The following OXR1 variants were observed in gnomAD, a reference collection of about 807,000 sequenced individuals.
OXR1 encodes the protein oxidation resistance 1, also known as oxidation resistance protein 1.
Under a neutral mutation model 104.6 loss-of-function variants are expected in OXR1, and 41 were observed. The ratio of observed to expected loss-of-function variants is 0.39; its 90% CI spans 0.31 to 0.51. OXR1 has a LOEUF of 0.51. Among genes scored for constraint, OXR1 ranks in the 20% least tolerant of loss-of-function variants. The pLI is 0.77. For missense variants in OXR1, 955 were observed against 1,031.9 expected (o/e 0.93, Z 1.02); for synonymous variants, 348 against 348.4 (o/e 1.00, Z 0.01).
intron 2 of OXR1, among the ~76,000 whole-genome samples, chr8:106,414,714 T>A: frequency 6.6e-6 from 1 of 152,260 alleles, no homozygotes; most frequent in Non-Finnish European, 1.5e-5. Flanking sequence ...GTGTGTTTGA[T>A]AAACACGAAG....
chr8:106,698,124 A>T (rs1830245853), intron 7 of OXR1: 1 of 667,318 alleles, frequency 1.5e-6, no homozygotes, highest in South Asian at 1.8e-5. Context: ...CTTATTTTCT[A>T]CCCAGATATC....
chr8:106,723,146 A>C (rs1832970223), intron 11 of OXR1, among the ~76,000 whole-genome samples: 1 of 152,010 alleles, frequency 6.6e-6, no homozygotes, highest in Non-Finnish European at 1.5e-5. Context: ...ACCTGAGGTC[A>C]GGAGTTCGAG....
intron 1 of OXR1, among the ~76,000 whole-genome samples, chr8:106,355,466 G>C (rs1315623493): frequency 6.6e-6 from 1 of 151,910 alleles, no homozygotes; most frequent in Admixed American, 6.6e-5. Context: ...TCATAAAAAA[G>C]TAAATATAAC....
At chr8:106,667,246 G>C (rs1262883050) in intron 3 of OXR1, among the ~76,000 whole-genome samples, 2 of 152,054 alleles carry the variant, frequency 1.3e-5, no homozygotes, top group African/African-American at 4.8e-5. Flanking sequence ...AGTTTCTTAC[G>C]GAATTCTAAT....
intron 2 of OXR1, among the ~76,000 whole-genome samples, chr8:106,448,563 G>C (rs1235190043): frequency 6.6e-6 from 1 of 151,686 alleles, no homozygotes; most frequent in African/African-American, 2.4e-5. Context: ...ACAAAATCAT[G>C]AAAAATGTTG....
At chr8:106,444,829 G>A (rs1472504326) in intron 2 of OXR1, among the ~76,000 whole-genome samples, 1 of 152,120 alleles carries the variant, frequency 6.6e-6, no homozygotes, top group Non-Finnish European at 1.5e-5. Context: ...AAAAAGGATA[G>A]TATCATCTGA....
At chr8:106,553,966 T>A (rs1405543768) in intron 3 of OXR1, among the ~76,000 whole-genome samples, 1 of 152,226 alleles carries the variant, frequency 6.6e-6, no homozygotes. Flanking sequence ...ATGTTAAACC[T>A]AAATGCCAGT....
At chr8:106,576,017 C>CACAT (rs1563616835) in intron 3 of OXR1, among the ~76,000 whole-genome samples, 1 of 150,288 alleles carries the variant, frequency 6.7e-6, no homozygotes, top group Non-Finnish European at 1.5e-5. Context: ...CACACACACA[C>CACAT]ACACAAAACC....
At chr8:106,594,208 G>T (rs1819338122) in intron 3 of OXR1, among the ~76,000 whole-genome samples, 1 of 152,066 alleles carries the variant, frequency 6.6e-6, no homozygotes, top group African/African-American at 2.4e-5. Flanking sequence ...TCTCCAGCTA[G>T]CAGTGTAAAG....
At chr8:106,534,108 G>C (rs1237783515) in intron 3 of OXR1, among the ~76,000 whole-genome samples, 1 of 152,108 alleles carries the variant, frequency 6.6e-6, no homozygotes, top group Non-Finnish European at 1.5e-5. Context: ...GTGCACGGGG[G>C]ATCTTACAAA....
At chr8:106,575,729 A>G (rs1261635788) in intron 3 of OXR1, among the ~76,000 whole-genome samples, 1 of 151,464 alleles carries the variant, frequency 6.6e-6, no homozygotes, top group Non-Finnish European at 1.5e-5. Context: ...AAGGGGCTTG[A>G]ATTACTGATT....
chr8:106,684,328 C>T lies in OXR1; in HGVS notation c.494C>T (p.Thr165Ile). Residue 165 changes from threonine (T) to isoleucine (I), a missense_variant, in exon 6 of 17, where the codon ACA becomes ATA. Thr to Ile is a moderately conservative substitution (Grantham distance 89, BLOSUM62 -1). Coordinates refer to ENST00000517566, the MANE Select transcript of OXR1 (RefSeq NM_001198533.2). The stretch of plus-strand genomic sequence containing the variant: ...AGCCCCGTAAGTCCTCTGTCACCAA[C>T]ATCATCTGAGGCTGAATTTGATAAG... ...SLSPVSPLSP[T>I]SSEAEFDKTT... is the part of the protein sequence containing the mutation. 1 of 1,599,682 alleles carries T rather than the reference C, an allele frequency of 6.3e-7. No homozygotes were observed. The highest frequency in any genetic ancestry group is 8.6e-7 in the Non-Finnish European group (1 of 1,167,058).
chr8:106,464,796 C>A (rs1322178989), intron 2 of OXR1, among the ~76,000 whole-genome samples: 2 of 151,994 alleles, frequency 1.3e-5, no homozygotes. Context: ...AAGCATATCT[C>A]GGGCTTCATT....
At chr8:106,508,464 A>C (rs1812311555) in intron 2 of OXR1, among the ~76,000 whole-genome samples, 1 of 135,414 alleles carries the variant, frequency 7.4e-6, no homozygotes, top group Non-Finnish European at 1.7e-5. Context: ...GAACAGATAC[A>C]CCTAGTGATT....
At chr8:106,616,145 C>T (rs1481546058) in intron 3 of OXR1, among the ~76,000 whole-genome samples, 5 of 149,186 alleles carry the variant, frequency 3.4e-5, no homozygotes, top group Non-Finnish European at 7.4e-5. Context: ...AGGTTCACGC[C>T]ATTCTCCTGA....
intron 1 of OXR1, among the ~76,000 whole-genome samples, chr8:106,273,833 T>C (rs943998030): frequency 1.3e-5 from 2 of 152,212 alleles, no homozygotes; most frequent in Non-Finnish European, 2.9e-5. Context: ...TATTGAGAAT[T>C]TCTAAAAGGT....
At chr8:106,426,811 C>T (rs918033809) in intron 2 of OXR1, among the ~76,000 whole-genome samples, 1 of 152,136 alleles carries the variant, frequency 6.6e-6, no homozygotes, top group African/African-American at 2.4e-5. Flanking sequence ...TAGTAGTAAA[C>T]ATTCAATAAA....
intron 3 of OXR1, among the ~76,000 whole-genome samples, chr8:106,583,194 G>A (rs1225515441): frequency 6.6e-6 from 1 of 152,064 alleles, no homozygotes; most frequent in Non-Finnish European, 1.5e-5. Context: ...ATAAAATATA[G>A]TCACTTGATT....
At chr8:106,433,891 T>C (rs1819463817) in intron 2 of OXR1, among the ~76,000 whole-genome samples, 4 of 152,192 alleles carry the variant, frequency 2.6e-5, no homozygotes, top group Non-Finnish European at 1.5e-5. Context: ...TTTTTCCTTG[T>C]AGATGTATAA....
Sources: gnomAD v4.1 joint callset for allele counts (sites outside exome capture counted in the v4.1 genomes callset) on GRCh38, gnomAD v4.1.1 for gene constraint, MANE v1.5 for transcripts, NCBI Gene and HGNC (gene_info 2026-07-23, HGNC 2026-07-21) for gene names.